FSTL4: variants seen among roughly 807,000 people sequenced by gnomAD.
FSTL4 encodes follistatin like 4.
In FSTL4, 28 loss-of-function variants were observed where a neutral mutation model predicts 78.2. That is an observed-to-expected ratio of 0.36 (90% CI 0.27 to 0.49). FSTL4 has a LOEUF of 0.49. Ranked by LOEUF, FSTL4 falls within the 20% of genes least tolerant of loss-of-function variation. The pLI, the probability that FSTL4 is intolerant of heterozygous loss-of-function variation, is 0.98. For missense variants in FSTL4, 922 were observed against 1,084.9 expected (o/e 0.85, Z 2.11); for synonymous variants, 422 against 440.5 (o/e 0.96, Z 0.53).
intron 14 of FSTL4, 41 bp from the exon 15 acceptor site, chr5:133,202,083 G>A (rs760357277): frequency 4.4e-6 from 6 of 1,377,354 alleles, no homozygotes; most frequent in Non-Finnish European, 6.1e-6. Flanking sequence ...GCCCATGCAG[G>A]TGGGGGCTGA....
chr5:133,810,062 T>C, the FSTL4 span, among the ~76,000 whole-genome samples: 18 of 152,368 alleles, frequency 1.2e-4, no homozygotes, highest in Admixed American at 1.1e-3. Flanking sequence ...TGTAAGTCTC[T>C]TTCAAAGACT....
chr5:133,493,414 A>G (rs913795119), intron 3 of FSTL4, among the ~76,000 whole-genome samples: 25 of 152,200 alleles, frequency 1.6e-4, no homozygotes, highest in African/African-American at 5.8e-4. Context: ...GAATTTCTGT[A>G]ACGTGTAAGT....
the FSTL4 span, among the ~76,000 whole-genome samples, chr5:133,764,967 G>A: frequency 4.5e-4 from 68 of 152,320 alleles, no homozygotes; most frequent in Middle Eastern, 0.014. Flanking sequence ...ACATACGTGG[G>A]GTAACAATTT....
At chr5:133,747,375 G>A in the FSTL4 span, among the ~76,000 whole-genome samples, 1 of 152,326 alleles carries the variant, frequency 6.6e-6, no homozygotes, top group South Asian at 2.1e-4. Context: ...TTCTATCAGA[G>A]CTGTGGCACC....
the FSTL4 span, among the ~76,000 whole-genome samples, chr5:133,732,540 T>C: frequency 6.6e-5 from 10 of 152,072 alleles, no homozygotes; most frequent in African/African-American, 2.2e-4. Flanking sequence ...TCAGCAGGTT[T>C]CGTCTCCCCA....
intron 14 of FSTL4, among the ~76,000 whole-genome samples, chr5:133,207,270 T>TTTGA (rs1353609654): frequency 2.0e-5 from 3 of 152,248 alleles, no homozygotes; most frequent in African/African-American, 7.2e-5. Context: ...ACGTTGTTTG[T>TTTGA]TTGATATAGA....
intron 3 of FSTL4, among the ~76,000 whole-genome samples, chr5:133,431,443 A>G (rs1192373720): frequency 6.6e-6 from 1 of 152,196 alleles, no homozygotes; most frequent in Non-Finnish European, 1.5e-5. Context: ...TAGACCCCTG[A>G]GCCACCATGT....
chr5:133,437,486 T>G (rs929158835), intron 3 of FSTL4, among the ~76,000 whole-genome samples: 2 of 22,172 alleles, frequency 9.0e-5, no homozygotes, highest in South Asian at 1.6e-3. Flanking sequence ...TAAATAGGTG[T>G]TTTTTTTTTT....
rs552198501 is a variant in FSTL4, at chr5:133,368,564, C to G, written c.409+32174G>C. 7.9e-5 allele frequency among the ~76,000 whole-genome samples: 12 copies of G among 152,250 alleles called. No individual in the cohort carries two copies. In the South Asian group the frequency reaches 1.5e-3, roughly 18 times the overall value. ...GCAGCTGATGTCAGAAGTGAGGGTA[C>G]CTTAGGGGACTGCCAACCTCTGTAG... is the stretch of plus-strand genomic sequence containing the variant. On this transcript the variant is annotated intron_variant, in intron 4 of 15. Coordinates refer to ENST00000265342, the MANE Select transcript of FSTL4 (RefSeq NM_015082.2).
At chr5:133,675,024 A>G in the FSTL4 span, among the ~76,000 whole-genome samples, 1 of 152,316 alleles carries the variant, frequency 6.6e-6, no homozygotes, top group East Asian at 1.9e-4. Flanking sequence ...AATCAAACAA[A>G]CAAACTTAAA....
chr5:133,781,235 G>A, the FSTL4 span, among the ~76,000 whole-genome samples: 1 of 152,202 alleles, frequency 6.6e-6, no homozygotes, highest in South Asian at 2.1e-4. Flanking sequence ...GGCCCAGCTG[G>A]GATAGTAACA....
chr5:133,238,434 CAG>C (rs1751727489), intron 7 of FSTL4, among the ~76,000 whole-genome samples: 1 of 152,210 alleles, frequency 6.6e-6, no homozygotes, highest in African/African-American at 2.4e-5. Flanking sequence ...AACTTAAACA[CAG>C]AGTGACATGT....
intron 6 of FSTL4, among the ~76,000 whole-genome samples, chr5:133,254,726 G>C (rs138607989): frequency 7.2e-5 from 11 of 152,378 alleles, no homozygotes; most frequent in Non-Finnish European, 1.3e-4. Context: ...CCTCCACCCT[G>C]CGCCTTCTCT....
intron 6 of FSTL4, among the ~76,000 whole-genome samples, chr5:133,304,011 A>G (rs530696192): frequency 6.6e-6 from 1 of 152,248 alleles, no homozygotes; most frequent in African/African-American, 2.4e-5. Flanking sequence ...AGCCTCGGCC[A>G]TGCAAAGATT....
rs1755059720 is a variant in FSTL4 at position 133,361,137 on chromosome 5, G to T, written c.409+39601C>A. ...GATTAACTTTTTCTGAGCCCTTGAA[G>T]CCGAGAGCAAGTCTGAAACATGATT... is the stretch of plus-strand genomic sequence containing the variant. On this transcript the variant is annotated intron_variant, in intron 4 of 15. Coordinates refer to ENST00000265342, the MANE Select transcript of FSTL4 (RefSeq NM_015082.2). The surrounding 1 kb of genome is among the most constrained non-coding windows in gnomAD (Gnocchi z 4.3). Among the ~76,000 whole-genome samples the T allele has an allele frequency of 6.6e-6, 1 of 152,104 alleles. No homozygotes were observed. Among genetic ancestry groups the T allele is most frequent in the Non-Finnish European group, 1.5e-5 (1 of 68,022 alleles).
chr5:133,244,881 A>T (rs1412568918), intron 7 of FSTL4: 1 of 152,226 alleles, frequency 6.6e-6, no homozygotes, highest in Admixed American at 6.5e-5. Context: ...GCACTTTGGG[A>T]GGTCGAGGCA....
chr5:133,374,129 T>C (rs1429957726), intron 4 of FSTL4, among the ~76,000 whole-genome samples: 1 of 152,180 alleles, frequency 6.6e-6, no homozygotes, highest in African/African-American at 2.4e-5. Context: ...GGGAAGGTCC[T>C]CCTGCCCCCT....
intron 3 of FSTL4, among the ~76,000 whole-genome samples, chr5:133,460,140 C>T (rs140706739): frequency 1.3e-5 from 2 of 152,352 alleles, no homozygotes; most frequent in African/African-American, 4.8e-5. Flanking sequence ...CGGGGCCCTT[C>T]AGGCCCTATG....
At chr5:133,312,189 A>T (rs1206167773) in intron 6 of FSTL4, among the ~76,000 whole-genome samples, 1 of 151,806 alleles carries the variant, frequency 6.6e-6, no homozygotes, top group Non-Finnish European at 1.5e-5. Context: ...TTCACATTGG[A>T]CCCTCACTCT....
Sources: gnomAD v4.1 joint callset for allele counts (sites outside exome capture counted in the v4.1 genomes callset) on GRCh38, gnomAD v4.1.1 for gene constraint, Gnocchi (gnomAD v3.1) non-coding constraint, MANE v1.5 for transcripts, NCBI Gene and HGNC (gene_info 2026-07-23, HGNC 2026-07-21) for gene names.